MAGI1: variants seen among roughly 807,000 people sequenced by gnomAD.
MAGI1 encodes membrane-associated guanylate kinase, WW and PDZ domain-containing protein 1.
In MAGI1, 58 loss-of-function variants were observed where a neutral mutation model predicts 139.9. The observed-to-expected ratio is 0.41, with a 90% CI of 0.34 to 0.52. The LOEUF is 0.52. Among genes scored for constraint, MAGI1 ranks in the 20% least tolerant of loss-of-function variants. The pLI, the probability that MAGI1 is intolerant of heterozygous loss-of-function variation, is 0.12. For missense variants in MAGI1, 1,874 were observed against 1,901.6 expected, an observed-to-expected ratio of 0.99 and a Z score of 0.27; for synonymous variants, 812 against 737.9, an observed-to-expected ratio of 1.10 and a Z score of -1.63.
intron 1 of MAGI1, among the ~76,000 whole-genome samples, chr3:65,979,418 T>C (rs2107257185): frequency 6.6e-6 from 1 of 152,294 alleles, no homozygotes; most frequent in Non-Finnish European, 1.5e-5. Flanking sequence ...GTTTCAGCTA[T>C]TCTTACTCTT....
chr3:65,698,691 G>A (rs2089384668), intron 1 of MAGI1, among the ~76,000 whole-genome samples: 1 of 151,182 alleles, frequency 6.6e-6, no homozygotes, highest in Non-Finnish European at 1.5e-5. Context: ...AGCTGAAACT[G>A]GATCCCTTCC....
At chr3:65,467,502 C>T (rs868096673) in intron 5 of MAGI1, among the ~76,000 whole-genome samples, 3 of 152,090 alleles carry the variant, frequency 2.0e-5, no homozygotes, top group Non-Finnish European at 4.4e-5. Flanking sequence ...AGTTGCAGCC[C>T]AAATCCCATA....
intron 1 of MAGI1, among the ~76,000 whole-genome samples, chr3:65,796,908 A>G (rs2040186352): frequency 1.3e-5 from 2 of 152,238 alleles, no homozygotes; most frequent in South Asian, 4.1e-4. Flanking sequence ...CCTCAGGGCC[A>G]TAGTTTGAGG....
At chr3:65,934,571 T>C (rs528315648) in intron 1 of MAGI1, among the ~76,000 whole-genome samples, 3 of 152,290 alleles carry the variant, frequency 2.0e-5, no homozygotes, top group South Asian at 4.1e-4. Context: ...ACAGGACTAA[T>C]GGTGCAGTAC....
rs1210956546 is a variant in MAGI1, at chr3:65,811,567, T to TA, written c.314-189480dup. On this transcript the variant is annotated intron_variant, in intron 1 of 22. Transcript: ENST00000402939. ...TGTGGAGCTATGACTGAGAGCCAGC[T>TA]AGTCAGTCTCTGTGGGTTCCTGAAA... 4.6e-5 allele frequency among the ~76,000 whole-genome samples: 7 copies of TA among 152,288 alleles called. No homozygotes were observed. In the East Asian group the frequency reaches 1.4e-3, roughly 29 times the overall value.
chr3:65,658,006 C>T (rs2085981362), intron 1 of MAGI1, among the ~76,000 whole-genome samples: 1 of 152,134 alleles, frequency 6.6e-6, no homozygotes, highest in African/African-American at 2.4e-5. Flanking sequence ...ACCAATGAAT[C>T]ACTAAGTGTG....
At chr3:65,811,927 C>CGTGTGTGTGT (rs71102883) in intron 1 of MAGI1, among the ~76,000 whole-genome samples, 5 of 148,444 alleles carry the variant, frequency 3.4e-5, no homozygotes, top group Non-Finnish European at 6.0e-5. Flanking sequence ...TGTATGTTTA[C>CGTGTGTGTGT]GTGTGTGTGT....
intron 2 of MAGI1, among the ~76,000 whole-genome samples, chr3:65,586,076 G>A (rs991479515): frequency 1.3e-5 from 2 of 151,990 alleles, no homozygotes; most frequent in Admixed American, 1.3e-4. Context: ...GGGCGTTGGT[G>A]GCGCATGCCT....
intron 1 of MAGI1, among the ~76,000 whole-genome samples, chr3:65,925,597 G>A (rs1024740745): frequency 2.0e-5 from 3 of 152,048 alleles, no homozygotes; most frequent in African/African-American, 7.2e-5. Context: ...CAATTAGAAC[G>A]TTTGTTAGAT....
At chr3:65,934,232 T>C (rs1057209226) in intron 1 of MAGI1, among the ~76,000 whole-genome samples, 2 of 151,176 alleles carry the variant, frequency 1.3e-5, no homozygotes, top group Non-Finnish European at 2.9e-5. Context: ...GGTAATGAAC[T>C]GATTCTTTTT....
chr3:65,707,408 G>A (rs933713783), intron 1 of MAGI1, among the ~76,000 whole-genome samples: 5 of 152,116 alleles, frequency 3.3e-5, no homozygotes, highest in South Asian at 4.1e-4. Flanking sequence ...CAGGGCAACC[G>A]GCCTGAGCCA....
intron 1 of MAGI1, among the ~76,000 whole-genome samples, chr3:66,035,725 T>C (rs772656929): frequency 1.3e-5 from 2 of 152,002 alleles, no homozygotes; most frequent in East Asian, 1.9e-4. Flanking sequence ...CACAGAAACA[T>C]ACCCACACAC....
chr3:65,572,830 C>A (rs912708646), intron 2 of MAGI1, among the ~76,000 whole-genome samples: 1 of 151,700 alleles, frequency 6.6e-6, no homozygotes, highest in Non-Finnish European at 1.5e-5. Context: ...AAAACCCATG[C>A]CCACTACACT....
At chr3:65,610,719 T>C (rs1338949620) in intron 2 of MAGI1, among the ~76,000 whole-genome samples, 1 of 105,238 alleles carries the variant, frequency 9.5e-6, no homozygotes, top group Non-Finnish European at 2.2e-5. Context: ...GTCAGGTTCA[T>C]TTAGGTACAA....
chr3:65,469,809 TAA>T (rs1950437959), intron 5 of MAGI1: 5 of 150,954 alleles, frequency 3.3e-5, no homozygotes, highest in Non-Finnish European at 5.9e-5. Context: ...ACATATATGA[TAA>T]AGGAATTATA....
chr3:65,484,405 G>A (rs1169640752), intron 3 of MAGI1, among the ~76,000 whole-genome samples: 1 of 152,152 alleles, frequency 6.6e-6, no homozygotes, highest in Non-Finnish European at 1.5e-5. Context: ...ACCTATGGCT[G>A]GGAATCTACA....
At chr3:65,736,172 G>C (rs759686158) in intron 1 of MAGI1, among the ~76,000 whole-genome samples, 2 of 152,064 alleles carry the variant, frequency 1.3e-5, no homozygotes, top group African/African-American at 4.8e-5. Flanking sequence ...GTTTTCTATG[G>C]GTCTTGCCAA....
intron 2 of MAGI1, among the ~76,000 whole-genome samples, chr3:65,536,187 A>G (rs942398816): frequency 2.0e-5 from 3 of 152,164 alleles, no homozygotes; most frequent in African/African-American, 7.2e-5. Context: ...GTTTCCCTGT[A>G]TATTTTTGTT....
rs1951072708 is a variant in MAGI1, at chr3:65,478,945, T to TA, written c.551-148dup. The TA allele has an allele frequency of 7.7e-6, 5 of 646,340 alleles. No individual in the cohort carries two copies. The Admixed American group carries it at 1.3e-4, about 17-fold the overall frequency. 40.0% of individuals were successfully genotyped at this position (646,340 alleles called of 1,614,324 possible). ...ACTGTATTTTATTTCTGGAGTGGGTTAGAAGAGATATCTTTCCTATCCAGC... is the reference window on the plus strand; with the variant it reads ...ACTGTATTTTATTTCTGGAGTGGGTTAAGAAGAGATATCTTTCCTATCCAGC... On this transcript the variant is annotated intron_variant, in intron 3 of 22. Transcript: ENST00000402939.
Sources: allele counts gnomAD v4.1 joint callset (sites outside exome capture counted in the v4.1 genomes callset), GRCh38; gene constraint gnomAD v4.1.1; transcripts MANE v1.5; gene names NCBI Gene and HGNC (gene_info 2026-07-23, HGNC 2026-07-21).